CTDP1: variants seen among roughly 807,000 people sequenced by gnomAD.
CTDP1 encodes the protein CTD phosphatase 1, also known as RNA polymerase II subunit A C-terminal domain phosphatase.
Under a neutral mutation model 91.8 loss-of-function variants are expected in CTDP1, and 47 were observed. The observed-to-expected ratio is 0.51, with a 90% confidence interval of 0.41 to 0.65. CTDP1 has a LOEUF of 0.65. CTDP1 is among the 30% of genes least tolerant of loss of function. The pLI, the probability that CTDP1 is intolerant of heterozygous loss-of-function variation, is 0.00. For synonymous variants in CTDP1, 656 were observed against 598.5 expected (o/e 1.10, Z -1.40); for missense variants, 1,272 against 1,373.7 (o/e 0.93, Z 1.17).
chr18:79,720,702 G>T (rs561864655), intron 10 of CTDP1, among the ~76,000 whole-genome samples: 1 of 152,304 alleles, frequency 6.6e-6, no homozygotes. Context: ...TTAATACAAG[G>T]TGTCTTTCCA....
Position 79,717,522 on chromosome 18 carries a change from G to A in CTDP1, c.2069-13G>A, listed in dbSNP as rs747110239. 9 of 1,612,128 alleles carry A rather than the reference G, an allele frequency of 5.6e-6. No homozygotes were observed. Among genetic ancestry groups the A allele is most frequent in the South Asian group, 3.3e-5 (3 of 91,028 alleles). On this transcript the variant is annotated splice_polypyrimidine_tract_variant and intron_variant, in intron 8 of 12. Transcript: ENST00000613122. ...CTGGCCGGAACAGCCTGACGCAGCCGGGTCTCCTGCAGGCACAGAGAAGGT... is the reference window on the plus strand; with the variant it reads ...CTGGCCGGAACAGCCTGACGCAGCCAGGTCTCCTGCAGGCACAGAGAAGGT...
At chr18:79,677,414 G>C (rs1305371533), upstream of CTDP1, 3 of 152,280 alleles carry the variant, frequency 2.0e-5, no homozygotes, top group Non-Finnish European at 4.4e-5. Flanking sequence ...AAGGGAGTGA[G>C]GCACAGAAGG....
At chr18:79,712,827 G>A (rs531502140) in intron 6 of CTDP1, 145 bp from the exon 7 acceptor site, 1 of 777,038 alleles carries the variant, frequency 1.3e-6, no homozygotes, top group Admixed American at 2.2e-5. Context: ...AACAGAAAGG[G>A]CTTCGGGGCG....
intron 12 of CTDP1, among the ~76,000 whole-genome samples, chr18:79,746,236 TGACCCCGC>T (rs1408181187): frequency 2.1e-5 from 1 of 48,764 alleles, no homozygotes; most frequent in African/African-American, 8.1e-5. Context: ...GTGCGCGTTC[TGACCCCGC>T]GTCCCTCCCG....
chr18:79,727,860 C>T lies in CTDP1; in HGVS notation c.2418-1047C>T, dbSNP rs187080171. Among the ~76,000 whole-genome samples the T allele has an allele frequency of 7.2e-5, 11 of 152,232 alleles. No individual in the cohort carries two copies. In the East Asian group the frequency reaches 1.9e-3, roughly 27 times the overall value. ...CAGCCGCCTCTCAGGAGGGCCGCAC[C>T]ACCCCTTTCCCAGAGGCTTGCCTTA... On this transcript the variant is annotated intron_variant, in intron 10 of 12. Coordinates refer to ENST00000613122, the MANE Select transcript of CTDP1 (RefSeq NM_004715.5).
Position 79,736,156 on chromosome 18 carries a change from G to C in CTDP1, c.2581-199G>C, listed in dbSNP as rs745692017. The C allele has an allele frequency of 6.0e-6, 4 of 668,782 alleles. No homozygotes were observed. The African/African-American group carries it at 7.3e-5, about 12-fold the overall frequency. 41.4% of individuals were successfully genotyped at this position (668,782 alleles called of 1,614,324 possible). A position where few individuals can be genotyped will look rare whatever the true frequency, so the allele number is the denominator to read the frequency against. On this transcript the variant is annotated intron_variant, in intron 11 of 12. Transcript: ENST00000613122. Reference sequence around the variant, plus strand: ...GCGAACCGACTGGGTTTGCTCTGTGGATTTCCAAGCGTCTTTTGCCCGGGG... The same window carrying C: ...GCGAACCGACTGGGTTTGCTCTGTGCATTTCCAAGCGTCTTTTGCCCGGGG...
chr18:79,693,818 T>G (rs566804659), intron 1 of CTDP1, among the ~76,000 whole-genome samples: 1 of 147,910 alleles, frequency 6.8e-6, no homozygotes. Flanking sequence ...CCTCCCATTC[T>G]CCCTGCAGGA....
At chr18:79,723,854 G>A (rs903203117) in intron 10 of CTDP1, among the ~76,000 whole-genome samples, 1 of 152,126 alleles carries the variant, frequency 6.6e-6, no homozygotes. Context: ...TGCTGTGTAC[G>A]GCAAGTCGGC....
Position 79,695,982 on chromosome 18 carries a change from A to T in CTDP1, c.404A>T (p.Gln135Leu). 6.2e-7 allele frequency: 1 copy of T among 1,612,342 alleles called. No individual in the cohort carries two copies. ...ACCTGTCCTTGCACTTGCAGGTTGCAGAGTAAGAACGGGAAGCAGCAGGTG... is the reference window on the plus strand; with the variant it reads ...ACCTGTCCTTGCACTTGCAGGTTGCTGAGTAAGAACGGGAAGCAGCAGGTG... ...AECGQDLTQL[Q>L]SKNGKQQVPL... The change falls in exon 3 of 13, where the codon CAG becomes CTG. Residue 135 changes from glutamine (Q) to leucine (L), a missense_variant. Coordinates refer to ENST00000613122, the MANE Select transcript of CTDP1 (RefSeq NM_004715.5).
chr18:79,693,765 A>C (rs184576241), intron 1 of CTDP1, among the ~76,000 whole-genome samples: 1 of 151,952 alleles, frequency 6.6e-6, no homozygotes, highest in African/African-American at 2.4e-5. Flanking sequence ...CCTCCTCCCC[A>C]GGAAGAACTC....
rs371761036 is a variant in CTDP1, at chr18:79,723,496, T to G, written c.2418-5411T>G. ...AAGTCTTTGAACGTTGTACGTTTTT[T>G]CTAATTCTGGCTTTGACCTTTTTGG... On this transcript the variant is annotated intron_variant, in intron 10 of 12. Transcript: ENST00000613122. 7.2e-5 allele frequency among the ~76,000 whole-genome samples: 11 copies of G among 152,340 alleles called. No homozygotes were observed. In the East Asian group the frequency reaches 7.7e-4, roughly 11 times the overall value.
At chr18:79,737,865 G>A (rs1419488207) in intron 12 of CTDP1, among the ~76,000 whole-genome samples, 1 of 152,188 alleles carries the variant, frequency 6.6e-6, no homozygotes, top group Non-Finnish European at 1.5e-5. Flanking sequence ...TTACCAAATA[G>A]AATAGGACAC....
intron 2 of CTDP1, 60 bp downstream of exon 2, chr18:79,695,368 G>A (rs1211586248): frequency 1.3e-6 from 2 of 1,491,960 alleles, no homozygotes; most frequent in South Asian, 2.3e-5. Flanking sequence ...GGCCTCCGGG[G>A]AGTCCGAGAA....
At chr18:79,688,557 G>C (rs1002810128) in intron 1 of CTDP1, among the ~76,000 whole-genome samples, 1 of 147,678 alleles carries the variant, frequency 6.8e-6, no homozygotes, top group African/African-American at 2.5e-5. Context: ...GAGCCACCGC[G>C]CCCAACTAAT....
chr18:79,679,088 G>A (rs1402759046), upstream of CTDP1: 6 of 288,836 alleles, frequency 2.1e-5, no homozygotes, highest in Admixed American at 2.5e-4. Context: ...TGGGGCCACT[G>A]AGACCACGCG....
intron 12 of CTDP1, among the ~76,000 whole-genome samples, chr18:79,753,091 T>C (rs1262130478): frequency 6.7e-6 from 1 of 149,020 alleles, no homozygotes; most frequent in South Asian, 2.1e-4. Flanking sequence ...CGGCTGGTTA[T>C]GCAGAGGCTC....
chr18:79,697,476 C>T (rs1459271952), intron 3 of CTDP1, among the ~76,000 whole-genome samples: 2 of 152,238 alleles, frequency 1.3e-5, no homozygotes, highest in Non-Finnish European at 2.9e-5. Context: ...GCGCATTGCC[C>T]TTACCAGTCT....
At position 79,733,104 on chromosome 18, in the gene CTDP1, G is replaced by A. The variant is rs748849774; in HGVS notation, c.2581-3251G>A. ...TGTGTGTGAATAGCACTCAGTCCTCGTGCTGTGGCCTCAGCACAGGACGAA... is the reference window on the plus strand; with the variant it reads ...TGTGTGTGAATAGCACTCAGTCCTCATGCTGTGGCCTCAGCACAGGACGAA... On this transcript the variant is annotated intron_variant, in intron 11 of 12. Coordinates refer to ENST00000613122, the MANE Select transcript of CTDP1 (RefSeq NM_004715.5). 8.5e-5 allele frequency among the ~76,000 whole-genome samples: 13 copies of A among 152,360 alleles called. No individual in the cohort carries two copies. The South Asian group carries it at 1.2e-3, about 15-fold the overall frequency.
chr18:79,717,664 C>T lies in CTDP1; in HGVS notation c.2198C>T (p.Thr733Ile). 1.9e-6 allele frequency: 3 copies of T among 1,614,024 alleles called. No homozygotes were observed. Among genetic ancestry groups the T allele is most frequent in the Non-Finnish European group, 2.5e-6 (3 of 1,179,976 alleles). ...CTCTTCCCGCTCAGGGACGATCACA[C>T]CAAGGCACAGAGGTGGGTCCTCGCT... ...EQLFPLRDDH[T>I]KAQRENSPAA... Residue 733 changes from threonine (T) to isoleucine (I), a missense_variant, in exon 9 of 13, where the codon ACC becomes ATC. This residue lies in a region of CTDP1 where 881 missense variants were observed against 911.6 expected (regional missense o/e 0.97). Coordinates refer to ENST00000613122, the MANE Select transcript of CTDP1 (RefSeq NM_004715.5).
Sources: gnomAD v4.1 joint callset for allele counts (sites outside exome capture counted in the v4.1 genomes callset) on GRCh38, gnomAD v4.1.1 for gene constraint, gnomAD v4.1.1 regional missense constraint, MANE v1.5 for transcripts, NCBI Gene and HGNC (gene_info 2026-07-23, HGNC 2026-07-21) for gene names.